ATXN1: variants seen among roughly 807,000 people sequenced by gnomAD.
ATXN1 encodes the protein ataxin-1.
Under a neutral mutation model 56.4 loss-of-function variants are expected in ATXN1, and 8 were observed. The ratio of observed to expected loss-of-function variants is 0.14; its 90% CI spans 0.08 to 0.26. ATXN1 has a LOEUF of 0.26. Among genes scored for constraint, ATXN1 ranks in the 10% least tolerant of loss-of-function variants. The pLI is 1.00. For synonymous variants in ATXN1, 514 were observed against 494.6 expected (o/e 1.04, Z -0.52); for missense variants, 987 against 1,106.5 (o/e 0.89, Z 1.53).
intron 6 of ATXN1, among the ~76,000 whole-genome samples, chr6:16,354,183 A>G (rs1409009127): frequency 1.3e-5 from 2 of 152,144 alleles, no homozygotes; most frequent in African/African-American, 4.8e-5. Context: ...CTGACGGAGG[A>G]ACATATTCAT....
At chr6:16,611,061 C>T (rs1358830328) in intron 3 of ATXN1, among the ~76,000 whole-genome samples, 1 of 151,878 alleles carries the variant, frequency 6.6e-6, no homozygotes, top group Non-Finnish European at 1.5e-5. Context: ...ATAAGGAGAG[C>T]ATATAACAAA....
chr6:16,674,569 G>A (rs965891690), intron 2 of ATXN1, among the ~76,000 whole-genome samples: 1 of 150,266 alleles, frequency 6.7e-6, no homozygotes, highest in Non-Finnish European at 1.5e-5. Flanking sequence ...GTATTAGCTA[G>A]GCTGGTCTCA....
At chr6:16,518,159 G>A (rs1761221226) in intron 5 of ATXN1, among the ~76,000 whole-genome samples, 1 of 152,154 alleles carries the variant, frequency 6.6e-6, no homozygotes, top group Non-Finnish European at 1.5e-5. Context: ...AGCTGGGGGC[G>A]GGTAGGCCTG....
chr6:16,608,445 AT>A (rs1247216354), intron 3 of ATXN1, among the ~76,000 whole-genome samples: 1 of 152,102 alleles, frequency 6.6e-6, no homozygotes, highest in Non-Finnish European at 1.5e-5. Flanking sequence ...GGGGAGAACT[AT>A]TTTTTCACTC....
intron 5 of ATXN1, among the ~76,000 whole-genome samples, chr6:16,511,945 T>C (rs1008763672): frequency 6.6e-6 from 1 of 152,202 alleles, no homozygotes; most frequent in Non-Finnish European, 1.5e-5. Context: ...GGCTTCCTTC[T>C]GCACCTAAGC....
chr6:16,465,671 A>G (rs1760090879), intron 6 of ATXN1, among the ~76,000 whole-genome samples: 1 of 152,142 alleles, frequency 6.6e-6, no homozygotes, highest in African/African-American at 2.4e-5. Context: ...ACCGGAAGAC[A>G]AGAGCCACAA....
chr6:16,723,800 T>G (rs1482305983), intron 2 of ATXN1, among the ~76,000 whole-genome samples: 2 of 151,590 alleles, frequency 1.3e-5, no homozygotes, highest in East Asian at 3.9e-4. Context: ...ATTAAAAAAA[T>G]AGCCCATGAG....
chr6:16,690,494 C>G (rs1759022197), intron 2 of ATXN1, among the ~76,000 whole-genome samples: 1 of 152,068 alleles, frequency 6.6e-6, no homozygotes, highest in Non-Finnish European at 1.5e-5. Flanking sequence ...TAATTAACCT[C>G]TTGATGGGCT....
At chr6:16,673,076 ATT>A (rs1758581535) in intron 2 of ATXN1, among the ~76,000 whole-genome samples, 1 of 152,020 alleles carries the variant, frequency 6.6e-6, no homozygotes, top group Non-Finnish European at 1.5e-5. Flanking sequence ...AAGGATATGA[ATT>A]ATTCTCTAGA....
chr6:16,470,978 G>A, intron 6 of ATXN1, among the ~76,000 whole-genome samples: 1 of 152,152 alleles, frequency 6.6e-6, no homozygotes, highest in Non-Finnish European at 1.5e-5. Flanking sequence ...CTAGACTGAT[G>A]TGAGGCATTT....
chr6:16,340,194 T>C (rs566462656), intron 6 of ATXN1, among the ~76,000 whole-genome samples: 1 of 152,302 alleles, frequency 6.6e-6, no homozygotes, highest in East Asian at 1.9e-4. Flanking sequence ...TATTGGCCAC[T>C]GGATGGAGTA....
chr6:16,395,454 C>T (rs767119636), intron 6 of ATXN1, among the ~76,000 whole-genome samples: 2 of 152,010 alleles, frequency 1.3e-5, no homozygotes, highest in African/African-American at 2.4e-5. Flanking sequence ...ACAGCGGTCA[C>T]ATAAGATTAT....
Position 16,328,330 on chromosome 6 carries a change from A to G in ATXN1, c.-20T>C. 5.4e-6 allele frequency: 8 copies of G among 1,493,568 alleles called. No individual in the cohort carries two copies. The highest frequency in any genetic ancestry group is 7.1e-6 in the Non-Finnish European group (8 of 1,127,572). 92.5% of individuals were successfully genotyped at this position (1,493,568 alleles called of 1,614,324 possible). On this transcript the variant is annotated 5_prime_UTR_variant, in exon 7 of 8. Transcript: ENST00000436367. This position sits in a 1 kb window ranked among gnomAD's most constrained non-coding sequence, Gnocchi z 6.2. ...TTTCATTTTTCGCCGTCCCCCCTCC[A>G]CGGTGACTGTTTCACTGTCTGGATG...
chr6:16,309,089 G>A (rs928546158), intron 7 of ATXN1, among the ~76,000 whole-genome samples: 13 of 151,684 alleles, frequency 8.6e-5, no homozygotes, highest in Non-Finnish European at 8.8e-5. Flanking sequence ...AAATAGCCTA[G>A]TGTGGTGATG....
chr6:16,437,961 A>T (rs1444312982), intron 6 of ATXN1, among the ~76,000 whole-genome samples: 1 of 152,172 alleles, frequency 6.6e-6, no homozygotes, highest in East Asian at 1.9e-4. Flanking sequence ...GAAAGATGTG[A>T]CACTTCTGGT....
chr6:16,644,864 A>T lies in ATXN1; in HGVS notation c.-489+12912T>A, dbSNP rs573801479. Among the ~76,000 whole-genome samples, 12 of 152,248 alleles carry T rather than the reference A, an allele frequency of 7.9e-5. No homozygotes were observed. The South Asian group carries it at 2.3e-3, about 29-fold the overall frequency. ...ATCAGCACTAGCATGGATGCCAAAT[A>T]TTTACGCTTCCTGATTTAAATGCAT... On this transcript the variant is annotated intron_variant, in intron 3 of 7. Transcript: ENST00000436367.
chr6:16,700,376 G>T (rs907748177), intron 2 of ATXN1, among the ~76,000 whole-genome samples: 3 of 152,078 alleles, frequency 2.0e-5, no homozygotes, highest in Admixed American at 6.5e-5. Context: ...GTTTCTGCTG[G>T]TGCATATCTT....
intron 3 of ATXN1, among the ~76,000 whole-genome samples, chr6:16,629,633 C>T (rs1414780950): frequency 2.0e-5 from 3 of 151,974 alleles, no homozygotes; most frequent in East Asian, 1.9e-4. Flanking sequence ...ATATATATTT[C>T]GGCCAGGCAA....
intron 2 of ATXN1, chr6:16,740,017 G>A (rs1581410318): frequency 8.6e-5 from 33 of 382,950 alleles, no homozygotes; most frequent in South Asian, 5.9e-4. Context: ...TAAAGAGATT[G>A]AGGAGGGCAC....
Sources: allele counts gnomAD v4.1 joint callset (sites outside exome capture counted in the v4.1 genomes callset), GRCh38; gene constraint gnomAD v4.1.1; non-coding constraint Gnocchi (gnomAD v3.1); transcripts MANE v1.5; gene names NCBI Gene and HGNC (gene_info 2026-07-23, HGNC 2026-07-21).